The following PDE7A variants were observed in gnomAD, a reference collection of about 807,000 sequenced individuals.
PDE7A encodes phosphodiesterase 7A, also known as high affinity 3',5'-cyclic-AMP phosphodiesterase 7A.
A neutral mutation model predicts 64.3 loss-of-function variants in PDE7A; 39 were observed. That is an observed-to-expected ratio of 0.61 (90% CI 0.47 to 0.79). The LOEUF (loss-of-function observed/expected upper bound fraction) is 0.79, where lower values mean the gene tolerates loss of function less well. Ranked by LOEUF, PDE7A falls within the 30% of genes least tolerant of loss-of-function variation. The pLI is 0.00. For synonymous variants in PDE7A, 203 were observed against 206.8 expected (o/e 0.98, Z 0.16); for missense variants, 470 against 582.8 (o/e 0.81, Z 1.99).
At chr8:65,808,255 T>C (rs575926894) in intron 1 of PDE7A, among the ~76,000 whole-genome samples, 2 of 152,348 alleles carry the variant, frequency 1.3e-5, no homozygotes, top group East Asian at 3.9e-4. Flanking sequence ...TACCACTGGA[T>C]ACAACTCTGT....
chr8:65,839,631 T>C (rs1811029802), intron 1 of PDE7A, among the ~76,000 whole-genome samples: 1 of 152,206 alleles, frequency 6.6e-6, no homozygotes, highest in Non-Finnish European at 1.5e-5. Flanking sequence ...TCAGAAATTT[T>C]TTTAAAAGTT....
At chr8:65,723,866 T>C (rs1806495942) in intron 11 of PDE7A, among the ~76,000 whole-genome samples, 1 of 152,168 alleles carries the variant, frequency 6.6e-6, no homozygotes, top group Admixed American at 6.6e-5. Context: ...CACATTAATA[T>C]ACAACCTGAA....
chr8:65,778,582 TG>T (rs1279080888), intron 3 of PDE7A, among the ~76,000 whole-genome samples: 1 of 152,168 alleles, frequency 6.6e-6, no homozygotes. Flanking sequence ...TTAAAAATAG[TG>T]GTTATTTTAT....
Position 65,745,906 on chromosome 8 carries a change from G to A in PDE7A, c.436-436C>T, listed in dbSNP as rs1417840684. On this transcript the variant is annotated intron_variant, in intron 4 of 12. Coordinates refer to ENST00000401827, the MANE Select transcript of PDE7A (RefSeq NM_001242318.3). ...AAGTTACTCACTCTTTTATTACTAA[G>A]AACAACACTATCAGATGTTGTTTTC... 4.0e-5 allele frequency among the ~76,000 whole-genome samples: 6 copies of A among 151,760 alleles called. No homozygotes were observed. In the East Asian group the frequency reaches 1.2e-3, roughly 29 times the overall value.
In PDE7A at chr8:65,734,784, A is replaced by G. The variant is rs371563298; in HGVS notation, c.696+10T>C. Reference sequence around the variant, plus strand: ...ATGATTTTCACCTGAAATCAATGTCAACCTCTTACCTTAGGTTCCTTTAAG... The same window carrying G: ...ATGATTTTCACCTGAAATCAATGTCGACCTCTTACCTTAGGTTCCTTTAAG... On this transcript the variant is annotated intron_variant, in intron 7 of 12. Transcript: ENST00000401827. The G allele has an allele frequency of 1.6e-5, 23 of 1,473,704 alleles. No homozygotes were observed. The highest frequency in any genetic ancestry group is 2.0e-5 in the Non-Finnish European group (21 of 1,054,866). The allele number at this position is 1,473,704 out of a possible 1,614,324, so 91.3% of individuals were successfully genotyped here.
At chr8:65,814,510 C>CAAAAA (rs140450405) in intron 1 of PDE7A, among the ~76,000 whole-genome samples, 8 of 71,040 alleles carry the variant, frequency 1.1e-4, no homozygotes, top group Admixed American at 4.8e-4. Flanking sequence ...GACTCCGTCT[C>CAAAAA]AAAAAAAAAA....
At chr8:65,821,733 TAC>T (rs1258082894) in intron 1 of PDE7A, among the ~76,000 whole-genome samples, 2 of 152,222 alleles carry the variant, frequency 1.3e-5, no homozygotes, top group East Asian at 3.8e-4. Context: ...CAGTAGACAA[TAC>T]ACACTGAATT....
intron 3 of PDE7A, among the ~76,000 whole-genome samples, chr8:65,776,194 T>C (rs1262375331): frequency 2.0e-5 from 3 of 152,194 alleles, no homozygotes; most frequent in African/African-American, 4.8e-5. Context: ...TTTAGTGAAA[T>C]TGCTATTTCT....
chr8:65,838,966 A>G (rs1005284688), intron 1 of PDE7A, among the ~76,000 whole-genome samples: 1 of 152,232 alleles, frequency 6.6e-6, no homozygotes, highest in African/African-American at 2.4e-5. Flanking sequence ...CTGCAGTTAC[A>G]AGTTCCAAAC....
chr8:65,795,920 A>C (rs1461254893), intron 1 of PDE7A, among the ~76,000 whole-genome samples: 1 of 152,054 alleles, frequency 6.6e-6, no homozygotes, highest in Non-Finnish European at 1.5e-5. Context: ...AATATGTACA[A>C]AGATTTAAAG....
rs576380623 is a variant in PDE7A at position 65,769,313 on chromosome 8, A to T, written c.283+10407T>A. ...TATTTTTTTTAAAAAATTGTTATGAAAGTCTGCATGATACGGCCATCTGAG... is the reference window on the plus strand; with the variant it reads ...TATTTTTTTTAAAAAATTGTTATGATAGTCTGCATGATACGGCCATCTGAG... On this transcript the variant is annotated intron_variant, in intron 3 of 12. Transcript: ENST00000401827. 6.6e-5 allele frequency among the ~76,000 whole-genome samples: 10 copies of T among 152,204 alleles called. No homozygotes were observed. In the South Asian group the frequency reaches 1.9e-3, roughly 28 times the overall value.
chr8:65,798,825 G>A (rs1200427717), intron 1 of PDE7A, among the ~76,000 whole-genome samples: 3 of 152,136 alleles, frequency 2.0e-5, no homozygotes, highest in Admixed American at 1.3e-4. Context: ...ATTCCTAAAA[G>A]TCAAAGCTGG....
chr8:65,816,916 G>C (rs1220376052), intron 1 of PDE7A, among the ~76,000 whole-genome samples: 5 of 152,128 alleles, frequency 3.3e-5, no homozygotes, highest in Non-Finnish European at 1.5e-5. Flanking sequence ...TCATTTTTCT[G>C]ACCCTTTCTC....
chr8:65,747,585 A>G, intron 4 of PDE7A, 67 bp downstream of exon 4: 1 of 940,354 alleles, frequency 1.1e-6, no homozygotes, highest in East Asian at 2.6e-5. Context: ...TCATTACTGT[A>G]TGGGGAATAA....
At chr8:65,810,637 T>A (rs547912664) in intron 1 of PDE7A, among the ~76,000 whole-genome samples, 27 of 152,276 alleles carry the variant, frequency 1.8e-4, no homozygotes, top group Non-Finnish European at 3.1e-4. Context: ...TAAATTAATA[T>A]TAGAATATCC....
chr8:65,754,913 C>T lies in PDE7A; in HGVS notation c.284-7110G>A, dbSNP rs545045176. ...CCGGGAGGCGGAGGTTGCAGTGAGC[C>T]GAGATCGCGCCACTGCACTCCAGCC... On this transcript the variant is annotated intron_variant, in intron 3 of 12. Transcript: ENST00000401827. Among the ~76,000 whole-genome samples the T allele has an allele frequency of 1.6e-4, 24 of 149,886 alleles. No homozygotes were observed. In the East Asian group the frequency reaches 3.8e-3, roughly 24 times the overall value.
intron 3 of PDE7A, among the ~76,000 whole-genome samples, chr8:65,766,649 A>G (rs957699615): frequency 3.3e-5 from 5 of 151,864 alleles, no homozygotes; most frequent in African/African-American, 1.2e-4. Flanking sequence ...CCCTCTCTCT[A>G]TTTCTCCCTC....
At chr8:65,828,562 A>G (rs1351438200) in intron 1 of PDE7A, among the ~76,000 whole-genome samples, 1 of 152,182 alleles carries the variant, frequency 6.6e-6, no homozygotes, top group Non-Finnish European at 1.5e-5. Flanking sequence ...ACCTGTATAC[A>G]TATATCTTAG....
chr8:65,750,474 C>CTGTGTGTGTGTGTGTGTGTGTG (rs371620919), intron 3 of PDE7A, among the ~76,000 whole-genome samples: 6 of 142,626 alleles, frequency 4.2e-5, no homozygotes, highest in African/African-American at 7.9e-5. Context: ...ATTAGAATCA[C>CTGTGTGTGTGTGTGTGTGTGTG]TGTGTGTGTG....
Sources: gnomAD v4.1 joint callset for allele counts (sites outside exome capture counted in the v4.1 genomes callset) on GRCh38, gnomAD v4.1.1 for gene constraint, MANE v1.5 for transcripts, NCBI Gene and HGNC (gene_info 2026-07-23, HGNC 2026-07-21) for gene names.